The following TRIM25 variants were observed in gnomAD, a reference collection of about 807,000 sequenced individuals.
The protein encoded by TRIM25 is tripartite motif containing 25.
TRIM25 carries 45 observed loss-of-function variants against 65.2 expected under a neutral mutation model. The ratio of observed to expected loss-of-function variants is 0.69; its 90% CI spans 0.54 to 0.89. The LOEUF (loss-of-function observed/expected upper bound fraction) is 0.89, where lower values mean the gene tolerates loss of function less well. TRIM25 is among the 40% of genes least tolerant of loss of function. The pLI is 0.00. For missense variants in TRIM25, 714 were observed against 803.7 expected, an observed-to-expected ratio of 0.89 and a Z score of 1.35; for synonymous variants, 321 against 340.4, an observed-to-expected ratio of 0.94 and a Z score of 0.63.
chr17:56,910,453 G>A (rs868388721), intron 1 of TRIM25, among the ~76,000 whole-genome samples: 1 of 152,186 alleles, frequency 6.6e-6, no homozygotes, highest in Non-Finnish European at 1.5e-5. Context: ...CAAAGACCAG[G>A]CCTACATACA....
intron 2 of TRIM25, among the ~76,000 whole-genome samples, chr17:56,905,056 A>G (rs533859943): frequency 3.9e-5 from 6 of 152,332 alleles, no homozygotes; most frequent in Non-Finnish European, 8.8e-5. Context: ...GAAGAGGGAT[A>G]GAATAAGGGA....
intron 1 of TRIM25, among the ~76,000 whole-genome samples, chr17:56,909,867 T>C (rs184616502): frequency 3.7e-4 from 56 of 152,282 alleles, no homozygotes; most frequent in African/African-American, 1.3e-3. Context: ...CTCAGATGAA[T>C]ACTGCACAGA....
intron 6 of TRIM25, 76 bp downstream of exon 6, chr17:56,895,850 G>C: frequency 6.4e-7 from 1 of 1,554,202 alleles, no homozygotes; most frequent in Non-Finnish European, 8.8e-7. Flanking sequence ...GAGAGAGGTC[G>C]ACTCTCACTA....
At chr17:56,908,384 T>C (rs909711389) in intron 2 of TRIM25, 84 bp downstream of exon 2, 4 of 1,359,458 alleles carry the variant, frequency 2.9e-6, no homozygotes, top group Non-Finnish European at 3.1e-6. Flanking sequence ...ACCAGCCTTG[T>C]CATGGTCAGA....
chr17:56,900,462 G>A (rs1909388862), intron 4 of TRIM25, among the ~76,000 whole-genome samples: 1 of 152,144 alleles, frequency 6.6e-6, no homozygotes, highest in African/African-American at 2.4e-5. Flanking sequence ...GGATCCCAAG[G>A]AAGAATGCGA....
chr17:56,909,487 C>T (rs1048453276), intron 1 of TRIM25, among the ~76,000 whole-genome samples: 1 of 152,022 alleles, frequency 6.6e-6, no homozygotes, highest in African/African-American at 2.4e-5. Context: ...GAGTTCGAGA[C>T]CAGCTTGGGC....
Position 56,891,503 on chromosome 17 carries a change from G to T in TRIM25, c.*197C>A. 1 of 692,956 alleles carries T rather than the reference G, an allele frequency of 1.4e-6. No homozygotes were observed. The highest frequency in any genetic ancestry group is 2.8e-5 in the East Asian group (1 of 35,642). 42.9% of individuals were successfully genotyped at this position (692,956 alleles called of 1,614,324 possible). A position where few individuals can be genotyped will look rare whatever the true frequency, so the allele number is the denominator to read the frequency against. On this transcript the variant is annotated 3_prime_UTR_variant, in exon 9 of 9. Coordinates refer to ENST00000316881, the MANE Select transcript of TRIM25 (RefSeq NM_005082.5). The stretch of plus-strand genomic sequence containing the variant: ...CTGATAGGCACCAGGGGGTGGAAAC[G>T]CCTCCTCGCCCACAACACAATCACT...
Position 56,890,157 on chromosome 17 carries a change from G to A in TRIM25, c.*1543C>T. The stretch of plus-strand genomic sequence containing the variant: ...ATGGTGACTTCTTTTCATATTATAG[G>A]AAGCCTGACAGGAGCTCTCCTCTAA... On this transcript the variant is annotated 3_prime_UTR_variant, in exon 9 of 9. Transcript: ENST00000316881. 3.3e-6 allele frequency: 1 copy of A among 301,490 alleles called. No homozygotes were observed. The highest frequency in any genetic ancestry group is 6.1e-6 in the Non-Finnish European group (1 of 163,724). The allele number at this position is 301,490 out of a possible 1,614,324, so 18.7% of individuals were successfully genotyped here.
chr17:56,912,094 C>G (rs1292761290), intron 1 of TRIM25: 1 of 152,308 alleles, frequency 6.6e-6, no homozygotes, highest in Non-Finnish European at 1.5e-5. Flanking sequence ...ATGCAGACCC[C>G]CAACTCTGAC....
intron 8 of TRIM25, among the ~76,000 whole-genome samples, chr17:56,893,316 C>T (rs941593553): frequency 6.0e-5 from 9 of 151,106 alleles, no homozygotes; most frequent in African/African-American, 2.0e-4. Flanking sequence ...GTGGAAAAGG[C>T]CCTAAGTTGA....
At position 56,890,535 on chromosome 17, in the gene TRIM25, C is replaced by T. The variant is rs551365105; in HGVS notation, c.*1165G>A. On this transcript the variant is annotated 3_prime_UTR_variant, in exon 9 of 9. Transcript: ENST00000316881. The stretch of plus-strand genomic sequence containing the variant: ...GATGAACAGGAATGTTCCTGTTCCC[C>T]ATGAGGTTTGCTAAAAGACCCCTTT... The T allele has an allele frequency of 9.5e-4, 432 of 452,494 alleles. 3 individuals are homozygous for T. The highest frequency in any genetic ancestry group is 7.2e-3 in the African/African-American group (360 of 50,074). The allele number at this position is 452,494 out of a possible 1,614,324, so 28.0% of individuals were successfully genotyped here.
Position 56,904,380 on chromosome 17 carries a change from T to TCTCCTCTTCCTTTATCTTC in TRIM25, c.783_801dup (p.Lys268GlufsTer14), listed in dbSNP as rs1909477853. The TCTCCTCTTCCTTTATCTTC allele has an allele frequency of 6.2e-7, 1 of 1,614,034 alleles. No homozygotes were observed. Among genetic ancestry groups the TCTCCTCTTCCTTTATCTTC allele is most frequent in the Non-Finnish European group, 8.5e-7 (1 of 1,180,022 alleles). On this transcript the variant is annotated frameshift_variant, in exon 3 of 9. Transcript: ENST00000316881. LOFTEE classifies it high-confidence loss of function. ...GTGTCAAACTTGCTGTTGACCCTCT[T>TCTCCTCTTCCTTTATCTTC]CTCCTCTTCCTTTATCTTCCTTGTC...
intron 2 of TRIM25, among the ~76,000 whole-genome samples, chr17:56,907,759 AG>A (rs1354804088): frequency 1.3e-5 from 2 of 152,232 alleles, no homozygotes; most frequent in African/African-American, 4.8e-5. Flanking sequence ...AATCTTACTT[AG>A]GAAAGAGGTC....
chr17:56,905,261 G>A (rs538030715), intron 2 of TRIM25, among the ~76,000 whole-genome samples: 1 of 152,366 alleles, frequency 6.6e-6, no homozygotes, highest in East Asian at 1.9e-4. Context: ...CTACTCAGGA[G>A]GCTGAGGGAG....
chr17:56,892,326 C>T, intron 8 of TRIM25, 97 bp from the exon 9 acceptor site: 4 of 1,360,984 alleles, frequency 2.9e-6, no homozygotes, highest in Admixed American at 2.3e-5. Flanking sequence ...TAGTTTTATC[C>T]ATCCATGCAC....
At chr17:56,903,572 C>A (rs1363710177) in intron 3 of TRIM25, among the ~76,000 whole-genome samples, 1 of 152,140 alleles carries the variant, frequency 6.6e-6, no homozygotes, top group Non-Finnish European at 1.5e-5. Context: ...CCGACCCCGA[C>A]TGATGTACAT....
chr17:56,904,288 G>A lies in TRIM25; in HGVS notation c.894C>T (p.Ser298=). The A allele has an allele frequency of 6.2e-7, 1 of 1,613,878 alleles. No homozygotes were observed. Among genetic ancestry groups the A allele is most frequent in the Non-Finnish European group, 8.5e-7 (1 of 1,179,994 alleles). The change falls in exon 3 of 9, where the codon AGC becomes AGT. Residue 298 remains serine, a synonymous_variant. Transcript: ENST00000316881. The part of the protein sequence containing the change: ...IQTLKEEIEQ[S]LTKRDEFEFL... ...ACTCGAACTCATCCCTCTTGGTCAG[G>A]CTCTGTTCAATCTCCTCCTTCAAGG... is the stretch of plus-strand genomic sequence containing the variant.
chr17:56,889,435 G>C lies in TRIM25; in HGVS notation c.*2265C>G, dbSNP rs567598984. On this transcript the variant is annotated 3_prime_UTR_variant, in exon 9 of 9. Coordinates refer to ENST00000316881, the MANE Select transcript of TRIM25 (RefSeq NM_005082.5). ...AATGAGAAGTCAGATGGATACAAAG[G>C]TTCCTCCAACTCTAGGACTCCAGGG... The C allele has an allele frequency of 4.6e-5, 12 of 259,098 alleles. No homozygotes were observed. The South Asian group carries it at 6.9e-4, about 15-fold the overall frequency. The allele number at this position is 259,098 out of a possible 1,614,324, so 16.0% of individuals were successfully genotyped here.
chr17:56,907,041 T>G (rs967194770), intron 2 of TRIM25, among the ~76,000 whole-genome samples: 8 of 152,338 alleles, frequency 5.3e-5, no homozygotes, highest in Admixed American at 3.9e-4. Context: ...GAAAATTGCT[T>G]GTTGTCCTCC....
Sources: allele counts gnomAD v4.1 joint callset (sites outside exome capture counted in the v4.1 genomes callset), GRCh38; gene constraint gnomAD v4.1.1; transcripts MANE v1.5; gene names NCBI Gene and HGNC (gene_info 2026-07-23, HGNC 2026-07-21).